ELSPBP1: variants seen among roughly 807,000 people sequenced by gnomAD.
The protein encoded by ELSPBP1 is epididymal sperm-binding protein 1.
In ELSPBP1, 38 loss-of-function variants were observed where a neutral mutation model predicts 33.3. The ratio of observed to expected loss-of-function variants is 1.14; its 90% CI spans 0.88 to 1.50. The LOEUF (loss-of-function observed/expected upper bound fraction) is 1.50. Ranked by LOEUF, ELSPBP1 falls within the 40% of genes most tolerant of loss-of-function variation. ELSPBP1 has a pLI of 0.00. For synonymous variants in ELSPBP1, 85 were observed against 94.1 expected (o/e 0.90, Z 0.56); for missense variants, 267 against 263.5 (o/e 1.01, Z -0.09).
chr19:48,017,670 A>AT (rs1967156254), intron 4 of ELSPBP1, among the ~76,000 whole-genome samples: 1 of 152,132 alleles, frequency 6.6e-6, no homozygotes, highest in South Asian at 2.1e-4. Context: ...AGGCAGGAGA[A>AT]TTGCCTGAGG....
rs976326589 is a variant in ELSPBP1, at chr19:48,005,807, T to C, written c.-17-2844T>C. Reference sequence around the variant, plus strand: ...TCACTTGCAAGTTCTCCAACTTGCATGATCTGTAACCCTCAGCAAGGTGCT... The same window carrying C: ...TCACTTGCAAGTTCTCCAACTTGCACGATCTGTAACCCTCAGCAAGGTGCT... On this transcript the variant is annotated intron_variant, in intron 1 of 6. Coordinates refer to ENST00000339841, the MANE Select transcript of ELSPBP1 (RefSeq NM_022142.5). Among the ~76,000 whole-genome samples the C allele has an allele frequency of 2.0e-5, 3 of 152,316 alleles. No homozygotes were observed. In the East Asian group the frequency reaches 5.8e-4, roughly 29 times the overall value.
intron 4 of ELSPBP1, among the ~76,000 whole-genome samples, chr19:48,017,630 C>A (rs1236140218): frequency 6.6e-6 from 1 of 152,044 alleles, no homozygotes; most frequent in East Asian, 1.9e-4. Flanking sequence ...GTGGCTCATG[C>A]CTGTAATCCC....
Position 48,022,388 on chromosome 19 carries a change from G to A in ELSPBP1, c.*7+54G>A, listed in dbSNP as rs1438039815. The A allele has an allele frequency of 4.7e-6, 7 of 1,486,372 alleles. No individual in the cohort carries two copies. The East Asian group carries it at 7.1e-5, about 15-fold the overall frequency. The allele number at this position is 1,486,372 out of a possible 1,614,324, so 92.1% of individuals were successfully genotyped here. ...TCACGGATGCAGAGGTGAGACAGGT[G>A]CACAACTGGTGTGTCACTGATGCGA... is the stretch of plus-strand genomic sequence containing the variant. On this transcript the variant is annotated intron_variant, in intron 6 of 6. Coordinates refer to ENST00000339841, the MANE Select transcript of ELSPBP1 (RefSeq NM_022142.5).
chr19:47,998,124 C>T (rs1966928373), intron 1 of ELSPBP1, among the ~76,000 whole-genome samples: 1 of 152,082 alleles, frequency 6.6e-6, no homozygotes. Flanking sequence ...AGTAAAATCT[C>T]AAGGATGGCC....
In ELSPBP1 at chr19:48,021,771, G is replaced by A. The variant is rs79408282; in HGVS notation, c.515-399G>A. On this transcript the variant is annotated intron_variant, in intron 5 of 6. Coordinates refer to ENST00000339841, the MANE Select transcript of ELSPBP1 (RefSeq NM_022142.5). ...AGCCACATTTTATATTTTAGAGACC[G>A]GATCTCCATCTGTCACCTAGGCTAC... 5.3e-3 allele frequency among the ~76,000 whole-genome samples: 813 copies of A among 152,066 alleles called. 7 individuals are homozygous for A. The highest frequency in any genetic ancestry group is 0.031 in the East Asian group (161 of 5,158).
At chr19:47,997,227 T>C (rs1357681357) in intron 1 of ELSPBP1, among the ~76,000 whole-genome samples, 1 of 152,206 alleles carries the variant, frequency 6.6e-6, no homozygotes, top group Non-Finnish European at 1.5e-5. Flanking sequence ...CTCATAAAAT[T>C]AATCCATTCC....
At chr19:48,009,873 G>T (rs886555158) in intron 2 of ELSPBP1, among the ~76,000 whole-genome samples, 1 of 152,126 alleles carries the variant, frequency 6.6e-6, no homozygotes, top group Non-Finnish European at 1.5e-5. Flanking sequence ...AGGGATCCAA[G>T]CTTCTTACAT....
At chr19:48,016,129 C>T in intron 4 of ELSPBP1, 90 bp downstream of exon 4, 1 of 1,464,982 alleles carries the variant, frequency 6.8e-7, no homozygotes, top group Non-Finnish European at 9.4e-7. Context: ...AAGGTAGAGA[C>T]CAGAGCACCC....
At position 48,016,558 on chromosome 19, in the gene ELSPBP1, TCCTTCCTTCCTC is replaced by T. The variant is rs1376106113; in HGVS notation, c.355+525_355+536del. The stretch of plus-strand genomic sequence containing the variant: ...TTCCTTCCTTCCTTCCTTCCTTCCT[TCCTTCCTTCCTC>T]CCTTCATCTCTCTCTTTCTTTCTTT... On this transcript the variant is annotated intron_variant, in intron 4 of 6. Transcript: ENST00000339841. 7.8e-3 allele frequency among the ~76,000 whole-genome samples: 805 copies of T among 102,876 alleles called. 12 individuals are homozygous for T. Among genetic ancestry groups the T allele is most frequent in the African/African-American group, 0.023 (624 of 26,894 alleles). The allele number at this position is 102,876 out of a possible 152,430, so 67.5% of individuals were successfully genotyped here.
chr19:48,014,821 T>A (rs936695779), intron 3 of ELSPBP1, among the ~76,000 whole-genome samples: 2 of 152,124 alleles, frequency 1.3e-5, no homozygotes, highest in Admixed American at 1.3e-4. Flanking sequence ...GTAATAATGT[T>A]AATAATGCTA....
intron 2 of ELSPBP1, among the ~76,000 whole-genome samples, chr19:48,013,789 T>G (rs1253619275): frequency 1.3e-5 from 2 of 152,074 alleles, no homozygotes; most frequent in African/African-American, 4.8e-5. Flanking sequence ...CAATATAAAT[T>G]TCTGTCTCCC....
rs10415347 is a variant in ELSPBP1 at position 48,017,260 on chromosome 19, G to T, written c.355+1221G>T. On this transcript the variant is annotated intron_variant, in intron 4 of 6. Transcript: ENST00000339841. ...TATTCGTAGGCATGCTTACTCTTGC[G>T]TAAAAATCTTAATTCTGTTGTTCCC... 5.1e-3 allele frequency among the ~76,000 whole-genome samples: 769 copies of T among 151,886 alleles called. 7 individuals carry two copies. Among genetic ancestry groups the T allele is most frequent in the African/African-American group, 0.018 (736 of 41,446 alleles).
At chr19:47,998,326 C>T (rs956959000) in intron 1 of ELSPBP1, among the ~76,000 whole-genome samples, 4 of 149,076 alleles carry the variant, frequency 2.7e-5, no homozygotes, top group African/African-American at 9.9e-5. Context: ...GCAGGAGAAT[C>T]GCTTGAACCG....
intron 2 of ELSPBP1, among the ~76,000 whole-genome samples, chr19:48,010,398 A>G (rs1348617617): frequency 1.3e-5 from 2 of 152,222 alleles, no homozygotes; most frequent in Non-Finnish European, 2.9e-5. Flanking sequence ...ATTTACAGAT[A>G]AATTATTCAG....
chr19:48,013,053 T>C (rs1967094059), intron 2 of ELSPBP1, among the ~76,000 whole-genome samples: 1 of 152,188 alleles, frequency 6.6e-6, no homozygotes, highest in Non-Finnish European at 1.5e-5. Flanking sequence ...AATACTACTA[T>C]TAAATTGAAG....
At chr19:47,998,781 C>A (rs1490394692) in intron 1 of ELSPBP1, among the ~76,000 whole-genome samples, 1 of 106,166 alleles carries the variant, frequency 9.4e-6, no homozygotes, top group South Asian at 3.1e-4. Flanking sequence ...AGCCAGACTC[C>A]GTCTCAAAAA....
rs533432536 is a variant in ELSPBP1, at chr19:48,024,289, G to A, written c.*8-663G>A. ...GGTATTTCTAAAGGTGGTTATTTAA[G>A]CTTGAAAGATGTTCTCCAGCCTGTA... On this transcript the variant is annotated intron_variant, in intron 6 of 6. Transcript: ENST00000339841. 1.4e-4 allele frequency among the ~76,000 whole-genome samples: 21 copies of A among 152,180 alleles called. No individual in the cohort carries two copies. In the East Asian group the frequency reaches 3.9e-3, roughly 28 times the overall value.
At chr19:48,020,690 C>A (rs1287441795) in intron 5 of ELSPBP1, among the ~76,000 whole-genome samples, 1 of 152,198 alleles carries the variant, frequency 6.6e-6, no homozygotes, top group African/African-American at 2.4e-5. Context: ...CCTTCTCCCT[C>A]CTTCCTCCAG....
At chr19:48,003,012 C>A (rs1404684343) in intron 1 of ELSPBP1, among the ~76,000 whole-genome samples, 1 of 152,118 alleles carries the variant, frequency 6.6e-6, no homozygotes, top group African/African-American at 2.4e-5. Context: ...CTTTTTCCGA[C>A]CAGCCAAGAA....
Sources: allele counts gnomAD v4.1 joint callset (sites outside exome capture counted in the v4.1 genomes callset), GRCh38; gene constraint gnomAD v4.1.1; transcripts MANE v1.5; gene names NCBI Gene and HGNC (gene_info 2026-07-23, HGNC 2026-07-21).